The following NFYC variants were observed in gnomAD, a reference collection of about 807,000 sequenced individuals.
NFYC encodes CAAT box DNA-binding protein subunit C.
In NFYC, 25 loss-of-function variants were observed where a neutral mutation model predicts 53.1. The observed-to-expected ratio is 0.47, with a 90% CI of 0.34 to 0.66. The LOEUF is 0.66. Ranked by LOEUF, NFYC falls within the 30% of genes least tolerant of loss-of-function variation. The pLI, the probability that NFYC is intolerant of heterozygous loss-of-function variation, is 0.01. For synonymous variants in NFYC, 145 were observed against 152.6 expected (o/e 0.95, Z 0.37); for missense variants, 260 against 422.7 (o/e 0.62, Z 3.38).
At chr1:40,731,006 A>G (rs949491796) in intron 1 of NFYC, among the ~76,000 whole-genome samples, 8 of 152,088 alleles carry the variant, frequency 5.3e-5, no homozygotes, top group Non-Finnish European at 1.2e-4. Flanking sequence ...TTCTTCTTGC[A>G]TCCCGAATAT....
intron 1 of NFYC, among the ~76,000 whole-genome samples, chr1:40,694,900 T>C (rs1053513048): frequency 6.6e-6 from 1 of 152,234 alleles, no homozygotes; most frequent in African/African-American, 2.4e-5. Flanking sequence ...TGGCATCTTA[T>C]TTAATTCTTA....
intron 8 of NFYC, among the ~76,000 whole-genome samples, chr1:40,767,552 G>A (rs986367622): frequency 7.2e-5 from 11 of 152,092 alleles, no homozygotes; most frequent in Admixed American, 2.0e-4. Flanking sequence ...CGGCTTTTCC[G>A]TAGCTGATAC....
At chr1:40,749,731 C>T in intron 4 of NFYC, 45 bp downstream of exon 4, 1 of 1,493,564 alleles carries the variant, frequency 6.7e-7, no homozygotes, top group Non-Finnish European at 9.3e-7. Context: ...TAAGCAGCAG[C>T]CTTTGCCTGT....
At chr1:40,740,293 T>C (rs767808744) in intron 2 of NFYC, among the ~76,000 whole-genome samples, 14 of 152,196 alleles carry the variant, frequency 9.2e-5, no homozygotes, top group Non-Finnish European at 1.9e-4. Context: ...CAAATACTTA[T>C]TATGTACCAA....
chr1:40,767,227 G>A, intron 8 of NFYC: 2 of 485,120 alleles, frequency 4.1e-6, no homozygotes, highest in South Asian at 2.1e-5. Context: ...GGGCTTGGGG[G>A]TGTTGAGGGA....
chr1:40,709,870 T>C (rs1284791071), intron 1 of NFYC, among the ~76,000 whole-genome samples: 1 of 152,140 alleles, frequency 6.6e-6, no homozygotes, highest in Non-Finnish European at 1.5e-5. Context: ...CAAAACACTT[T>C]TCTCTTTGCA....
At chr1:40,749,480 G>T in intron 3 of NFYC, 93 bp from the exon 4 acceptor site, 1 of 937,530 alleles carries the variant, frequency 1.1e-6, no homozygotes, top group African/African-American at 1.6e-5. Context: ...TTTGACCCTT[G>T]CCCCATAGTC....
chr1:40,759,530 T>G (rs1646418849), intron 6 of NFYC, among the ~76,000 whole-genome samples: 1 of 150,740 alleles, frequency 6.6e-6, no homozygotes, highest in Non-Finnish European at 1.5e-5. Flanking sequence ...AGCAAGATCC[T>G]GTCTCAAAAA....
At chr1:40,722,682 T>C (rs888405186) in intron 1 of NFYC, among the ~76,000 whole-genome samples, 1 of 152,256 alleles carries the variant, frequency 6.6e-6, no homozygotes, top group African/African-American at 2.4e-5. Flanking sequence ...TCAGCTGCTC[T>C]GTGGGATGTT....
At chr1:40,741,407 A>G (rs1186895266) in intron 2 of NFYC, among the ~76,000 whole-genome samples, 4 of 152,194 alleles carry the variant, frequency 2.6e-5, no homozygotes, top group African/African-American at 9.7e-5. Context: ...AGGCTTAACT[A>G]TGATGTTTGA....
intron 1 of NFYC, among the ~76,000 whole-genome samples, chr1:40,720,012 A>C (rs989761368): frequency 1.3e-5 from 2 of 152,238 alleles, no homozygotes; most frequent in African/African-American, 4.8e-5. Flanking sequence ...GGATTAGCAT[A>C]ACTATCTCAG....
Position 40,722,022 on chromosome 1 carries a change from T to A in NFYC, c.-8-16814T>A, listed in dbSNP as rs185194784. On this transcript the variant is annotated intron_variant, in intron 1 of 9. Transcript: ENST00000447388. ...TGTCTCTACTAAAAATACAAAAAAG[T>A]TAGCCAGGCGTGGTGGTGGGCACCT... 5.0e-3 allele frequency among the ~76,000 whole-genome samples: 755 copies of A among 152,120 alleles called. 5 individuals are homozygous for A. Among genetic ancestry groups the A allele is most frequent in the African/African-American group, 0.018 (731 of 41,534 alleles).
intron 1 of NFYC, 97 bp downstream of exon 1, chr1:40,691,964 C>T (rs1351408700): frequency 2.2e-5 from 7 of 311,866 alleles, no homozygotes; most frequent in South Asian, 6.9e-5. Context: ...ACCTCACTTC[C>T]TCGCGCGGCC....
intron 1 of NFYC, among the ~76,000 whole-genome samples, chr1:40,733,325 A>G (rs1644863910): frequency 6.6e-6 from 1 of 151,476 alleles, no homozygotes; most frequent in Non-Finnish European, 1.5e-5. Flanking sequence ...GCAGTAGAGA[A>G]TACTTCGTGG....
intron 2 of NFYC, 58 bp downstream of exon 2, chr1:40,739,006 G>T: frequency 1.3e-5 from 16 of 1,233,098 alleles, no homozygotes; most frequent in Non-Finnish European, 1.8e-5. Context: ...AGAGCTCTGG[G>T]AAATTAACCA....
chr1:40,721,304 C>G (rs1026057002), intron 1 of NFYC, among the ~76,000 whole-genome samples: 1 of 152,170 alleles, frequency 6.6e-6, no homozygotes. Flanking sequence ...CTGAGAAATT[C>G]CAACTTTCCA....
intron 7 of NFYC, among the ~76,000 whole-genome samples, chr1:40,765,923 C>T (rs367922934): frequency 4.6e-5 from 7 of 152,188 alleles, no homozygotes; most frequent in African/African-American, 9.7e-5. Context: ...ACTCTAAGGG[C>T]GCTTTCGTAG....
At chr1:40,766,953 G>A in intron 8 of NFYC, 1 of 1,552,166 alleles carries the variant, frequency 6.4e-7, no homozygotes, top group Non-Finnish European at 8.7e-7. Flanking sequence ...AGCCTCGAAG[G>A]TGCCTGAAAG....
At chr1:40,758,330 C>G (rs1454293548) in intron 6 of NFYC, 36 bp downstream of exon 6, 1 of 1,573,354 alleles carries the variant, frequency 6.4e-7, no homozygotes, top group South Asian at 1.2e-5. Flanking sequence ...TCCAGCAAGA[C>G]AGTGCCCCTT....
Sources: gnomAD v4.1 joint callset for allele counts (sites outside exome capture counted in the v4.1 genomes callset) on GRCh38, gnomAD v4.1.1 for gene constraint, MANE v1.5 for transcripts, NCBI Gene and HGNC (gene_info 2026-07-23, HGNC 2026-07-21) for gene names.